Variants in RTN3 observed in about 807,000 individuals in gnomAD.
RTN3 encodes reticulon 3.
A neutral mutation model predicts 77.8 loss-of-function variants in RTN3; 49 were observed. That is an observed-to-expected ratio of 0.63 (90% CI 0.50 to 0.80). RTN3 has a LOEUF of 0.80. Ranked by LOEUF, RTN3 falls within the 30% of genes least tolerant of loss-of-function variation. RTN3 has a pLI of 0.00. For missense variants in RTN3, 1,236 were observed against 1,211.9 expected (o/e 1.02, Z -0.29); for synonymous variants, 464 against 446.9 (o/e 1.04, Z -0.48).
intron 3 of RTN3, among the ~76,000 whole-genome samples, chr11:63,729,458 T>G (rs1260387253): frequency 8.7e-6 from 1 of 115,252 alleles, no homozygotes; most frequent in African/African-American, 3.4e-5. Context: ...TTTTTTTTTT[T>G]TGTTTGTTTG....
At chr11:63,684,913 C>G (rs917141824) in intron 1 of RTN3, among the ~76,000 whole-genome samples, 2 of 151,558 alleles carry the variant, frequency 1.3e-5, no homozygotes, top group Non-Finnish European at 2.9e-5. Context: ...ACATGCACCA[C>G]CACGCCCAGA....
chr11:63,740,832 G>A (rs1026662931), intron 3 of RTN3, among the ~76,000 whole-genome samples: 5 of 152,260 alleles, frequency 3.3e-5, no homozygotes, highest in Non-Finnish European at 5.9e-5. Context: ...TGTAGCAGAG[G>A]TTGGCAGTCA....
In RTN3 at chr11:63,681,571, A is replaced by G. The variant is rs1421127610; in HGVS notation, c.-66A>G. 49 of 1,460,572 alleles carry G rather than the reference A, an allele frequency of 3.4e-5. 1 individual carries two copies. Among genetic ancestry groups the G allele is most frequent in the East Asian group, 9.9e-5 (4 of 40,228 alleles). The allele number at this position is 1,460,572 out of a possible 1,614,324, so 90.5% of individuals were successfully genotyped here. On this transcript the variant is annotated 5_prime_UTR_variant, in exon 1 of 9. Coordinates refer to ENST00000377819, the MANE Select transcript of RTN3 (RefSeq NM_001265589.2). ...AGCGAGCCAGTTGCCGGATTATTCTATTTCCCCTCCCTCTCTCCCGCCCCG... is the reference window on the plus strand; with the variant it reads ...AGCGAGCCAGTTGCCGGATTATTCTGTTTCCCCTCCCTCTCTCCCGCCCCG...
At chr11:63,691,963 C>T (rs1479325110) in intron 1 of RTN3, among the ~76,000 whole-genome samples, 6 of 152,136 alleles carry the variant, frequency 3.9e-5, no homozygotes, top group Non-Finnish European at 8.8e-5. Context: ...TGCTGATATC[C>T]TCAGAAGACT....
intron 4 of RTN3, among the ~76,000 whole-genome samples, chr11:63,750,909 T>C (rs1384337697): frequency 6.6e-6 from 1 of 152,064 alleles, no homozygotes; most frequent in Non-Finnish European, 1.5e-5. Context: ...TTTTTTTGTA[T>C]TTTTAGTAGA....
At chr11:63,707,650 A>G (rs1942563285) in intron 2 of RTN3, among the ~76,000 whole-genome samples, 1 of 152,132 alleles carries the variant, frequency 6.6e-6, no homozygotes, top group Non-Finnish European at 1.5e-5. Context: ...CCTAGCCAAC[A>G]TGGCAAAATC....
chr11:63,741,700 C>T (rs1403591742), intron 3 of RTN3, among the ~76,000 whole-genome samples: 4 of 151,764 alleles, frequency 2.6e-5, no homozygotes, highest in Admixed American at 6.6e-5. Flanking sequence ...GGGGTTCTGC[C>T]GTGTTGGCCA....
At chr11:63,747,186 T>C (rs768136702) in intron 3 of RTN3, among the ~76,000 whole-genome samples, 1 of 152,218 alleles carries the variant, frequency 6.6e-6, no homozygotes, top group Non-Finnish European at 1.5e-5. Flanking sequence ...TGTTGTGTCT[T>C]TCTCAGTGCA....
At chr11:63,707,299 A>C (rs1182631660) in intron 2 of RTN3, among the ~76,000 whole-genome samples, 1 of 152,138 alleles carries the variant, frequency 6.6e-6, no homozygotes. Context: ...TGAAAAGATA[A>C]CTGTCATAGC....
chr11:63,746,151 G>A (rs140192678), intron 3 of RTN3, among the ~76,000 whole-genome samples: 1 of 152,116 alleles, frequency 6.6e-6, no homozygotes, highest in South Asian at 2.1e-4. Context: ...GGCACATGTC[G>A]TCTTTATCCC....
intron 3 of RTN3, among the ~76,000 whole-genome samples, chr11:63,734,446 A>G (rs1356368688): frequency 6.6e-6 from 1 of 150,406 alleles, no homozygotes; most frequent in Non-Finnish European, 1.5e-5. Flanking sequence ...GACTGTCTCA[A>G]ACAAAAATAG....
At chr11:63,725,474 A>G (rs890570561) in intron 3 of RTN3, among the ~76,000 whole-genome samples, 2 of 145,152 alleles carry the variant, frequency 1.4e-5, no homozygotes, top group African/African-American at 2.6e-5. Context: ...GAGATGGAGG[A>G]GTTTCACTCT....
intron 1 of RTN3, among the ~76,000 whole-genome samples, chr11:63,700,254 A>G (rs1033997211): frequency 6.7e-6 from 1 of 149,294 alleles, no homozygotes; most frequent in Non-Finnish European, 1.5e-5. Context: ...ATCTGGAAAC[A>G]TAGAGATAGG....
intron 2 of RTN3, among the ~76,000 whole-genome samples, chr11:63,713,775 G>A (rs114649908): frequency 0.011 from 1,672 of 152,270 alleles, 25 homozygotes; most frequent in African/African-American, 0.038. Context: ...AGTTTTGATG[G>A]CGATTTGTTT....
At chr11:63,712,746 A>G (rs1278396791) in intron 2 of RTN3, among the ~76,000 whole-genome samples, 1 of 152,030 alleles carries the variant, frequency 6.6e-6, no homozygotes, top group Non-Finnish European at 1.5e-5. Context: ...TCGGCCCCCA[A>G]AGTGCTGGGA....
intron 1 of RTN3, among the ~76,000 whole-genome samples, chr11:63,692,673 A>G (rs780258502): frequency 1.1e-4 from 17 of 152,024 alleles, no homozygotes; most frequent in Non-Finnish European, 2.5e-4. Context: ...AGGCAGGAGA[A>G]TCGCTTGAAC....
chr11:63,735,091 A>G (rs887290478), intron 3 of RTN3, among the ~76,000 whole-genome samples: 4 of 152,038 alleles, frequency 2.6e-5, no homozygotes, highest in African/African-American at 9.7e-5. Context: ...CAGTGGCGCA[A>G]TCTCTGCTCA....
At chr11:63,683,301 G>A (rs939644952) in intron 1 of RTN3, among the ~76,000 whole-genome samples, 1 of 152,192 alleles carries the variant, frequency 6.6e-6, no homozygotes, top group Admixed American at 6.5e-5. Context: ...GATGAACAGC[G>A]ACTTCCTTAT....
intron 7 of RTN3, among the ~76,000 whole-genome samples, chr11:63,755,908 A>G (rs567397795): frequency 1.6e-4 from 24 of 152,040 alleles, no homozygotes; most frequent in Non-Finnish European, 3.1e-4. Context: ...GCAGTGAGCC[A>G]AGATAGCGCC....
Sources: allele counts gnomAD v4.1 joint callset (sites outside exome capture counted in the v4.1 genomes callset), GRCh38; gene constraint gnomAD v4.1.1; transcripts MANE v1.5; gene names NCBI Gene and HGNC (gene_info 2026-07-23, HGNC 2026-07-21).